Variants in SULF2 observed in about 807,000 individuals in gnomAD.
SULF2 encodes sulfatase 2, also known as extracellular sulfatase Sulf-2.
Under a neutral mutation model 107.7 loss-of-function variants are expected in SULF2, and 52 were observed. That is an observed-to-expected ratio of 0.48 (90% confidence interval 0.39 to 0.61). The LOEUF is 0.61. Ranked by LOEUF, SULF2 falls within the 20% of genes least tolerant of loss-of-function variation. The pLI is 0.00. For synonymous variants in SULF2, 460 were observed against 464.3 expected, an observed-to-expected ratio of 0.99 and a Z score of 0.12; for missense variants, 993 against 1,177.3, an observed-to-expected ratio of 0.84 and a Z score of 2.29.
At chr20:47,671,725 CT>C (rs971829909) in intron 11 of SULF2, among the ~76,000 whole-genome samples, 3 of 151,424 alleles carry the variant, frequency 2.0e-5, no homozygotes, top group Admixed American at 2.0e-4. Context: ...GTGTTTCTTC[CT>C]TTTTTTTGAG....
intron 2 of SULF2, among the ~76,000 whole-genome samples, chr20:47,746,054 T>C (rs530160113): frequency 6.0e-4 from 91 of 152,382 alleles, no homozygotes; most frequent in African/African-American, 2.1e-3. Context: ...CACAGTGGGC[T>C]GGACCTGAGT....
chr20:47,686,478 T>C (rs2088008362), intron 5 of SULF2, among the ~76,000 whole-genome samples: 1 of 152,204 alleles, frequency 6.6e-6, no homozygotes, highest in South Asian at 2.1e-4. Context: ...TGATGGTTCT[T>C]GAAGGCCAGG....
At chr20:47,727,239 G>A (rs898050341) in intron 3 of SULF2, among the ~76,000 whole-genome samples, 3 of 152,178 alleles carry the variant, frequency 2.0e-5, no homozygotes, top group African/African-American at 7.2e-5. Flanking sequence ...CTGGTGTCCT[G>A]ACAGAAGAGG....
chr20:47,757,426 C>T lies in SULF2; in HGVS notation c.-63G>A, dbSNP rs2090320832. ...CGGGAGTCTCAAGTTGCGTCTGTGG[C>T]TTTGTTTCTTTTCCCTCGTCCCTCT... On this transcript the variant is annotated 5_prime_UTR_variant, in exon 2 of 21. Transcript: ENST00000688720. The T allele has an allele frequency of 6.7e-7, 1 of 1,490,344 alleles. No individual in the cohort carries two copies. The highest frequency in any genetic ancestry group is 2.2e-5 in the Admixed American group (1 of 44,920). The allele number at this position is 1,490,344 out of a possible 1,614,324, so 92.3% of individuals were successfully genotyped here.
intron 3 of SULF2, among the ~76,000 whole-genome samples, chr20:47,711,834 T>G (rs1209316656): frequency 6.6e-6 from 1 of 151,916 alleles, no homozygotes; most frequent in East Asian, 2.0e-4. Context: ...ACAAATACAC[T>G]ACATATACAT....
At chr20:47,765,866 G>A (rs2090519060) in intron 1 of SULF2, among the ~76,000 whole-genome samples, 1 of 152,244 alleles carries the variant, frequency 6.6e-6, no homozygotes, top group Non-Finnish European at 1.5e-5. Context: ...AAGGGACTGA[G>A]GTTAAGTGTG....
rs2087247293 is a variant in SULF2 at position 47,665,852 on chromosome 20, C to T, written c.1902+5G>A. Reference sequence around the variant, plus strand: ...GAGCATGCTCCTCTCCCGCTCTCCACTCACCTCGTGGTCGATGTGCAGCTT... The same window carrying T: ...GAGCATGCTCCTCTCCCGCTCTCCATTCACCTCGTGGTCGATGTGCAGCTT... On this transcript the variant is annotated splice_donor_5th_base_variant and intron_variant, in intron 13 of 20. Coordinates refer to ENST00000688720, the MANE Select transcript of SULF2 (RefSeq NM_001387048.1). 1.2e-6 allele frequency: 2 copies of T among 1,613,392 alleles called. No homozygotes were observed. The highest frequency in any genetic ancestry group is 1.7e-6 in the Non-Finnish European group (2 of 1,179,492).
In SULF2 at chr20:47,677,275, C is replaced by T. The variant is rs2087675162; in HGVS notation, c.1194-141G>A. 4.6e-5 allele frequency: 40 copies of T among 866,660 alleles called. 2 individuals carry two copies. The South Asian group carries it at 6.4e-4, about 14-fold the overall frequency. 53.7% of individuals were successfully genotyped at this position (866,660 alleles called of 1,614,324 possible). ...CAGCAATTGTGGTGAGTGTGCCCAG[C>T]TGGGCACTAGAGCATTGCCCACCCT... On this transcript the variant is annotated intron_variant, in intron 8 of 20. Transcript: ENST00000688720.
chr20:47,722,022 G>A (rs1327660696), intron 3 of SULF2, among the ~76,000 whole-genome samples: 1 of 152,126 alleles, frequency 6.6e-6, no homozygotes, highest in Non-Finnish European at 1.5e-5. Context: ...TGGACCTGTG[G>A]GGGCCATCTT....
chr20:47,664,289 GC>G, intron 14 of SULF2, 100 bp from the exon 15 acceptor site: 2 of 1,194,714 alleles, frequency 1.7e-6, no homozygotes, highest in Non-Finnish European at 2.4e-6. Flanking sequence ...TGTTGCTGCT[GC>G]CCCACCCCTG....
At chr20:47,687,715 T>G (rs984836846) in intron 5 of SULF2, among the ~76,000 whole-genome samples, 5 of 150,920 alleles carry the variant, frequency 3.3e-5, no homozygotes, top group South Asian at 4.2e-4. Flanking sequence ...ATGTGTGTGT[T>G]TTTTTTTTTC....
chr20:47,737,564 C>T (rs939139770), intron 2 of SULF2, among the ~76,000 whole-genome samples: 1 of 151,950 alleles, frequency 6.6e-6, no homozygotes, highest in Admixed American at 6.6e-5. Context: ...CCACACTTTT[C>T]TTCGAGCCTG....
At chr20:47,730,922 G>A (rs909380385) in intron 3 of SULF2, among the ~76,000 whole-genome samples, 10 of 152,152 alleles carry the variant, frequency 6.6e-5, no homozygotes, top group Admixed American at 5.2e-4. Flanking sequence ...GGTGATCCAC[G>A]CTGGGCAAGT....
chr20:47,733,853 T>C (rs1176095326), intron 3 of SULF2, among the ~76,000 whole-genome samples: 2 of 152,242 alleles, frequency 1.3e-5, no homozygotes, highest in African/African-American at 4.8e-5. Flanking sequence ...AATACCTTAC[T>C]AAATACATTA....
Position 47,773,590 on chromosome 20 carries a change from A to C in SULF2, c.-101+11753T>G, listed in dbSNP as rs557196687. 2.6e-5 allele frequency among the ~76,000 whole-genome samples: 4 copies of C among 152,370 alleles called. No homozygotes were observed. In the South Asian group the frequency reaches 8.3e-4, roughly 32 times the overall value. ...CTGTCCTTTCTGGCTGTTTAGAGGA[A>C]GTAGAAATCAGATACAGAAATTCCC... On this transcript the variant is annotated intron_variant, in intron 1 of 20. Transcript: ENST00000688720.
Position 47,736,842 on chromosome 20 carries a change from G to A in SULF2, c.276C>T (p.Arg92=). ...FVTTPMCCPS[R]SSILTGKYVH... is the part of the protein sequence containing the mutation. Reference sequence around the variant, plus strand: ...CGTACTTGCCAGTGAGGATGGAGGAGCGTGAGGGGCAGCACATGGGTGTGG... The same window carrying A: ...CGTACTTGCCAGTGAGGATGGAGGAACGTGAGGGGCAGCACATGGGTGTGG... The change falls in exon 3 of 21, where the codon CGC becomes CGT. Residue 92 remains arginine, a synonymous_variant. Transcript: ENST00000688720. 4 of 1,614,260 alleles carry A rather than the reference G, an allele frequency of 2.5e-6. No homozygotes were observed. The highest frequency in any genetic ancestry group is 2.5e-6 in the Non-Finnish European group (3 of 1,180,040).
At chr20:47,712,972 C>A (rs1031170559) in intron 3 of SULF2, among the ~76,000 whole-genome samples, 1 of 151,926 alleles carries the variant, frequency 6.6e-6, no homozygotes, top group Non-Finnish European at 1.5e-5. Context: ...GAAGTGGAGG[C>A]GGAGGCTGCA....
chr20:47,770,187 AGCAGCTGGGACT>A (rs999521139), intron 1 of SULF2, among the ~76,000 whole-genome samples: 3 of 150,626 alleles, frequency 2.0e-5, no homozygotes, highest in African/African-American at 7.4e-5. Context: ...CAGCCTCCCA[AGCAGCTGGGACT>A]GCAGGTGAGG....
chr20:47,719,873 T>C (rs1217644776), intron 3 of SULF2, among the ~76,000 whole-genome samples: 3 of 152,394 alleles, frequency 2.0e-5, no homozygotes, highest in East Asian at 3.9e-4. Flanking sequence ...AGCAGACTCC[T>C]GTAGGCCACA....
Sources: gnomAD v4.1 joint callset for allele counts (sites outside exome capture counted in the v4.1 genomes callset) on GRCh38, gnomAD v4.1.1 for gene constraint, MANE v1.5 for transcripts, NCBI Gene and HGNC (gene_info 2026-07-23, HGNC 2026-07-21) for gene names.